Variants in TBC1D22A observed in about 807,000 individuals in gnomAD.
The protein encoded by TBC1D22A is putative GTPase activator.
In TBC1D22A, 38 loss-of-function variants were observed where a neutral mutation model predicts 60.2. The ratio of observed to expected loss-of-function variants is 0.63; its 90% CI spans 0.49 to 0.83. TBC1D22A has a LOEUF of 0.83. Ranked by LOEUF, TBC1D22A falls within the 40% of genes least tolerant of loss-of-function variation. The pLI, the probability that TBC1D22A is intolerant of heterozygous loss-of-function variation, is 0.00. For missense variants in TBC1D22A, 628 were observed against 701.0 expected, an observed-to-expected ratio of 0.90 and a Z score of 1.18; for synonymous variants, 302 against 281.7, an observed-to-expected ratio of 1.07 and a Z score of -0.72.
At chr22:47,128,555 G>C (rs567066903) in intron 12 of TBC1D22A, among the ~76,000 whole-genome samples, 53 of 151,224 alleles carry the variant, frequency 3.5e-4, no homozygotes, top group African/African-American at 1.1e-3. Context: ...ACTCATGAAG[G>C]CACTTTGCAA....
At chr22:46,945,457 A>G (rs2072477013) in intron 8 of TBC1D22A, among the ~76,000 whole-genome samples, 2 of 152,202 alleles carry the variant, frequency 1.3e-5, no homozygotes, top group African/African-American at 2.4e-5. Context: ...TGATGCTGTT[A>G]TCACCCCTGT....
intron 4 of TBC1D22A, among the ~76,000 whole-genome samples, chr22:46,832,767 C>T (rs2086366178): frequency 1.3e-5 from 2 of 152,200 alleles, no homozygotes; most frequent in African/African-American, 4.8e-5. Context: ...GTTTGGATAT[C>T]TGGTGCTAAC....
At chr22:47,150,598 G>A (rs1447084518) in intron 12 of TBC1D22A, among the ~76,000 whole-genome samples, 2 of 152,318 alleles carry the variant, frequency 1.3e-5, no homozygotes, top group African/African-American at 2.4e-5. Context: ...GGGCCTTCTC[G>A]CCGAGCTGTC....
chr22:47,170,594 T>G (rs1327910761), intron 12 of TBC1D22A, among the ~76,000 whole-genome samples: 32 of 152,054 alleles, frequency 2.1e-4, no homozygotes, highest in Non-Finnish European at 4.4e-5. Context: ...GAAATAGCAA[T>G]TGGAAGACGG....
At chr22:46,963,890 C>T (rs2073670305) in intron 8 of TBC1D22A, among the ~76,000 whole-genome samples, 1 of 152,140 alleles carries the variant, frequency 6.6e-6, no homozygotes, top group Admixed American at 6.5e-5. Flanking sequence ...CACCTGTTAT[C>T]TGAAGGCTCT....
At chr22:46,957,240 G>A (rs187946109) in intron 8 of TBC1D22A, among the ~76,000 whole-genome samples, 281 of 152,348 alleles carry the variant, frequency 1.8e-3, no homozygotes, top group African/African-American at 6.4e-3. Context: ...TGCAGAGGGA[G>A]GTTTGAGTAG....
chr22:47,151,207 C>T (rs1027041442), intron 12 of TBC1D22A, among the ~76,000 whole-genome samples: 2 of 152,188 alleles, frequency 1.3e-5, no homozygotes, highest in Non-Finnish European at 2.9e-5. Context: ...GATCTGAACA[C>T]ACTTTTAAAC....
intron 7 of TBC1D22A, among the ~76,000 whole-genome samples, chr22:46,905,637 G>A (rs2069409068): frequency 6.6e-6 from 1 of 152,210 alleles, no homozygotes. Context: ...AGCTGAGTGG[G>A]TCTCTCAAGG....
At chr22:47,120,405 A>G (rs2066229317) in intron 12 of TBC1D22A, among the ~76,000 whole-genome samples, 1 of 152,208 alleles carries the variant, frequency 6.6e-6, no homozygotes, top group African/African-American at 2.4e-5. Context: ...TCCTCTCCCC[A>G]TACAGTCTGC....
At chr22:46,913,558 A>G (rs1210652481) in intron 8 of TBC1D22A, 4 of 1,205,168 alleles carry the variant, frequency 3.3e-6, no homozygotes, top group Non-Finnish European at 4.2e-6. Flanking sequence ...CTCCCTAATC[A>G]TCTCTTAAGT....
At chr22:46,977,330 T>A (rs1348730697) in intron 9 of TBC1D22A, among the ~76,000 whole-genome samples, 4 of 152,126 alleles carry the variant, frequency 2.6e-5, no homozygotes, top group African/African-American at 9.7e-5. Context: ...GTTAACTTTG[T>A]CATTTTGGCC....
chr22:46,766,539 C>T (rs138829159), intron 1 of TBC1D22A, among the ~76,000 whole-genome samples: 5 of 152,094 alleles, frequency 3.3e-5, no homozygotes, highest in East Asian at 1.9e-4. Flanking sequence ...GATAGTTCAA[C>T]TCTTTTTTAT....
intron 10 of TBC1D22A, among the ~76,000 whole-genome samples, chr22:46,999,309 T>C (rs2075229646): frequency 6.6e-6 from 1 of 152,232 alleles, no homozygotes; most frequent in African/African-American, 2.4e-5. Flanking sequence ...TATTTTTATT[T>C]TCAGCGCAGT....
intron 10 of TBC1D22A, among the ~76,000 whole-genome samples, chr22:47,008,138 C>T (rs1249161948): frequency 6.6e-6 from 1 of 152,214 alleles, no homozygotes; most frequent in Non-Finnish European, 1.5e-5. Flanking sequence ...CCAAAAAACA[C>T]CAGCAAATTT....
At chr22:47,139,896 T>A (rs2067015494) in intron 12 of TBC1D22A, among the ~76,000 whole-genome samples, 1 of 152,252 alleles carries the variant, frequency 6.6e-6, no homozygotes, top group Admixed American at 6.5e-5. Context: ...TGTTGCGAAG[T>A]CCACATCATG....
intron 1 of TBC1D22A, among the ~76,000 whole-genome samples, chr22:46,776,888 A>G (rs2083729757): frequency 6.6e-6 from 1 of 151,936 alleles, no homozygotes; most frequent in Non-Finnish European, 1.5e-5. Flanking sequence ...TTCTTCCCCA[A>G]GGCCTGTAGG....
chr22:47,036,390 G>A (rs559692388), intron 10 of TBC1D22A, among the ~76,000 whole-genome samples: 1 of 152,068 alleles, frequency 6.6e-6, no homozygotes, highest in Non-Finnish European at 1.5e-5. Flanking sequence ...CAGGGAGCAC[G>A]GGGTCTGAGC....
rs1296685242 is a variant in TBC1D22A, at chr22:46,885,009, CG to C, written c.709-6254del. On this transcript the variant is annotated intron_variant, in intron 5 of 12. Coordinates refer to ENST00000337137, the MANE Select transcript of TBC1D22A (RefSeq NM_014346.5). ...GATTAGAAGCAATTGGAAGTGTTTT[CG>C]GGCTGGTGGTGTTAAAATGATGTGA... Among the ~76,000 whole-genome samples, 6 of 152,128 alleles carry C rather than the reference CG, an allele frequency of 3.9e-5. No homozygotes were observed. The East Asian group carries it at 1.2e-3, about 29-fold the overall frequency.
intron 9 of TBC1D22A, among the ~76,000 whole-genome samples, chr22:46,996,800 C>T (rs1016691844): frequency 2.5e-4 from 38 of 152,186 alleles, no homozygotes; most frequent in African/African-American, 6.5e-4. Context: ...CATGTGTGTG[C>T]TCCCTTAGGT....
Sources: allele counts gnomAD v4.1 joint callset (sites outside exome capture counted in the v4.1 genomes callset), GRCh38; gene constraint gnomAD v4.1.1; transcripts MANE v1.5; gene names NCBI Gene and HGNC (gene_info 2026-07-23, HGNC 2026-07-21).